Variants in RDH10 observed in about 807,000 individuals in gnomAD.
RDH10 encodes the protein retinol dehydrogenase 10, also known as retinol dehydrogenase 10 (all-trans).
RDH10 carries 12 observed loss-of-function variants against 30.2 expected under a neutral mutation model. That is an observed-to-expected ratio of 0.40 (90% CI 0.25 to 0.64). The LOEUF (loss-of-function observed/expected upper bound fraction) is 0.64, where lower values mean the gene tolerates loss of function less well. Ranked by LOEUF, RDH10 falls within the 30% of genes least tolerant of loss-of-function variation. The pLI is 0.43. For synonymous variants in RDH10, 189 were observed against 172.2 expected (o/e 1.10, Z -0.76); for missense variants, 268 against 445.2 (o/e 0.60, Z 3.58).
At chr8:73,320,441 T>G (rs1014471639) in intron 3 of RDH10, among the ~76,000 whole-genome samples, 12 of 140,310 alleles carry the variant, frequency 8.6e-5, no homozygotes, top group African/African-American at 1.9e-4. Flanking sequence ...CTGGTTTGTG[T>G]TTTTTTTTTG....
chr8:73,317,912 C>A (rs1814701123), intron 2 of RDH10, among the ~76,000 whole-genome samples: 1 of 150,922 alleles, frequency 6.6e-6, no homozygotes, highest in South Asian at 2.1e-4. Flanking sequence ...ACCGCAAAAC[C>A]CTGTCCCCCA....
intron 2 of RDH10, chr8:73,310,782 T>G (rs1184919969): frequency 1.3e-5 from 2 of 152,170 alleles, no homozygotes; most frequent in Non-Finnish European, 2.9e-5. Flanking sequence ...TTTGATCATC[T>G]AGGGCCCGGC....
At chr8:73,304,516 C>G (rs1000354398) in intron 2 of RDH10, among the ~76,000 whole-genome samples, 1 of 152,170 alleles carries the variant, frequency 6.6e-6, no homozygotes. Context: ...CTTGTATGAC[C>G]ATATTGCTCA....
At chr8:73,322,639 T>C in intron 4 of RDH10, 40 bp from the exon 5 acceptor site, 1 of 1,521,084 alleles carries the variant, frequency 6.6e-7, no homozygotes, top group Non-Finnish European at 9.1e-7. Context: ...TTTTCTATTG[T>C]GTTAATTTTT....
intron 2 of RDH10, chr8:73,313,250 A>G (rs1280955755): frequency 6.6e-6 from 1 of 152,218 alleles, no homozygotes; most frequent in African/African-American, 2.4e-5. Context: ...CGTAAACTTT[A>G]CTTTAAAAGA....
At chr8:73,298,699 T>C (rs1191840044) in intron 2 of RDH10, among the ~76,000 whole-genome samples, 1 of 151,944 alleles carries the variant, frequency 6.6e-6, no homozygotes, top group Non-Finnish European at 1.5e-5. Context: ...GGCTAATTTT[T>C]TGTATTTTAG....
chr8:73,301,058 T>TC (rs1313422608), intron 2 of RDH10, among the ~76,000 whole-genome samples: 2 of 141,112 alleles, frequency 1.4e-5, no homozygotes, highest in Non-Finnish European at 3.1e-5. Context: ...TTTTTTTTTT[T>TC]TTTTTTTTTT....
At chr8:73,316,319 T>G (rs1202713899) in intron 2 of RDH10, among the ~76,000 whole-genome samples, 1 of 152,200 alleles carries the variant, frequency 6.6e-6, no homozygotes, top group Non-Finnish European at 1.5e-5. Flanking sequence ...TGTGCCCAGC[T>G]GTTTTCTAGT....
chr8:73,302,229 G>C (rs1282001971), intron 2 of RDH10, among the ~76,000 whole-genome samples: 1 of 152,198 alleles, frequency 6.6e-6, no homozygotes, highest in Non-Finnish European at 1.5e-5. Flanking sequence ...CACCAGTCAA[G>C]ACTTAGTGAT....
intron 4 of RDH10, chr8:73,322,309 T>TA (rs1320610993): frequency 3.4e-6 from 1 of 295,602 alleles, no homozygotes; most frequent in Admixed American, 4.8e-5. Flanking sequence ...CTACAACTAA[T>TA]ACTAAAAGCT....
intron 2 of RDH10, among the ~76,000 whole-genome samples, chr8:73,305,657 C>T (rs946229645): frequency 1.3e-5 from 2 of 151,528 alleles, no homozygotes; most frequent in African/African-American, 4.9e-5. Flanking sequence ...AAAGAAAGTC[C>T]TAAATACCCA....
chr8:73,322,374 A>G (rs1228985616), intron 4 of RDH10: 5 of 295,250 alleles, frequency 1.7e-5, no homozygotes, highest in Non-Finnish European at 3.2e-5. Flanking sequence ...TCCTCTTTCT[A>G]TTGAAAGCAA....
chr8:73,316,090 C>T (rs117430216), intron 2 of RDH10, among the ~76,000 whole-genome samples: 5,276 of 152,306 alleles, frequency 0.035, 131 homozygotes, highest in Non-Finnish European at 0.055. Context: ...AATCACGGCT[C>T]ACTGTAGCCT....
chr8:73,302,837 G>A (rs1389731705), intron 2 of RDH10, among the ~76,000 whole-genome samples: 1 of 152,162 alleles, frequency 6.6e-6, no homozygotes, highest in East Asian at 1.9e-4. Flanking sequence ...ATTTCTAAAA[G>A]CCAAAGTTTA....
chr8:73,295,475 G>T lies in RDH10; in HGVS notation c.186G>T (p.Leu62=). 1 of 1,552,936 alleles carries T rather than the reference G, an allele frequency of 6.4e-7. No individual in the cohort carries two copies. The highest frequency in any genetic ancestry group is 8.7e-7 in the Non-Finnish European group (1 of 1,149,512). The change falls in exon 1 of 6, where the codon CTG becomes CTT. Residue 62 remains leucine (L), a synonymous_variant. Transcript: ENST00000240285. ...FALEFARRRA[L]LVLWDINTQS... is the part of the protein sequence containing the mutation. ...TGGAGTTCGCCCGGCGTCGGGCGCTGCTGGTGCTGTGGGACATCAACACGC... is the reference window on the plus strand; with the variant it reads ...TGGAGTTCGCCCGGCGTCGGGCGCTTCTGGTGCTGTGGGACATCAACACGC...
At position 73,325,016 on chromosome 8, in the gene RDH10, C is replaced by T. The variant is rs1286306018; in HGVS notation, c.*1980C>T. On this transcript the variant is annotated 3_prime_UTR_variant, in exon 6 of 6. Transcript: ENST00000240285. ...TCAATCATGGACCTAAAGAAGTACT[C>T]TGAAGGGTCTCAACAATGCCAGGTG... is the stretch of plus-strand genomic sequence containing the variant. The T allele has an allele frequency of 2.0e-5, 3 of 152,184 alleles. No individual in the cohort carries two copies. The highest frequency in any genetic ancestry group is 3.9e-4 in the East Asian group (2 of 5,188). 9.4% of individuals were successfully genotyped at this position (152,184 alleles called of 1,614,324 possible).
intron 2 of RDH10, among the ~76,000 whole-genome samples, chr8:73,314,280 G>T (rs550043996): frequency 6.6e-6 from 1 of 152,324 alleles, no homozygotes; most frequent in Non-Finnish European, 1.5e-5. Flanking sequence ...CCAGACTGTT[G>T]AGGGCAAGAG....
intron 1 of RDH10, among the ~76,000 whole-genome samples, chr8:73,296,075 A>C (rs1012906566): frequency 6.6e-6 from 1 of 152,224 alleles, no homozygotes; most frequent in African/African-American, 2.4e-5. Flanking sequence ...TTGTTTCGCC[A>C]GCGATAAGTG....
intron 2 of RDH10, among the ~76,000 whole-genome samples, chr8:73,314,853 A>T (rs1384880281): frequency 6.6e-6 from 1 of 152,226 alleles, no homozygotes; most frequent in Non-Finnish European, 1.5e-5. Context: ...GCAAAGATAC[A>T]TTGGATTTAA....
Sources: gnomAD v4.1 joint callset for allele counts (sites outside exome capture counted in the v4.1 genomes callset) on GRCh38, gnomAD v4.1.1 for gene constraint, MANE v1.5 for transcripts, NCBI Gene and HGNC (gene_info 2026-07-23, HGNC 2026-07-21) for gene names.